ACSM3: variants seen among roughly 807,000 people sequenced by gnomAD.
ACSM3 encodes acyl-CoA synthetase medium chain family member 3, also known as acyl-coenzyme A synthetase ACSM3, mitochondrial.
A neutral mutation model predicts 74.1 loss-of-function variants in ACSM3; 61 were observed. The ratio of observed to expected loss-of-function variants is 0.82; its 90% CI spans 0.67 to 1.02. The LOEUF (loss-of-function observed/expected upper bound fraction) is 1.02. ACSM3 is among the 50% of genes least tolerant of loss of function. The pLI, the probability that ACSM3 is intolerant of heterozygous loss-of-function variation, is 0.00. For synonymous variants in ACSM3, 213 were observed against 241.5 expected (o/e 0.88, Z 1.09); for missense variants, 660 against 697.0 (o/e 0.95, Z 0.60).
intron 1 of ACSM3, chr16:20,741,804 C>T (rs1304314076): frequency 1.3e-6 from 2 of 1,543,854 alleles, no homozygotes; most frequent in South Asian, 1.2e-5. Context: ...TCGTCTATCG[C>T]CGGCGCGAAC....
At chr16:20,737,432 A>T in intron 1 of ACSM3, 1 of 890,374 alleles carries the variant, frequency 1.1e-6, no homozygotes, top group Admixed American at 3.4e-5. Context: ...CTGAACCCTT[A>T]CAATAAATAA....
intron 2 of ACSM3, among the ~76,000 whole-genome samples, chr16:20,751,735 G>A (rs138219067): frequency 2.4e-4 from 36 of 152,106 alleles, no homozygotes; most frequent in Non-Finnish European, 3.4e-4. Context: ...ATTACACATC[G>A]GTTATGTCAC....
At chr16:20,734,437 G>A (rs1448365384) in intron 1 of ACSM3, 2 of 152,528 alleles carry the variant, frequency 1.3e-5, no homozygotes, top group East Asian at 3.8e-4. Context: ...GGAAGGTCCT[G>A]CCTATTCTCT....
At chr16:20,691,056 C>T in intron 1 of ACSM3, 1 of 1,613,700 alleles carries the variant, frequency 6.2e-7, no homozygotes, top group Non-Finnish European at 8.5e-7. Flanking sequence ...TCCTCCGGTA[C>T]TTCATAGTCA....
chr16:20,711,193 C>T (rs2079742691), intron 1 of ACSM3, among the ~76,000 whole-genome samples: 1 of 152,118 alleles, frequency 6.6e-6, no homozygotes, highest in Admixed American at 6.6e-5. Context: ...TTGTTATTCC[C>T]ATTTTACAGA....
intron 1 of ACSM3, among the ~76,000 whole-genome samples, chr16:20,740,244 A>C (rs945073431): frequency 6.6e-6 from 1 of 152,134 alleles, no homozygotes; most frequent in African/African-American, 2.4e-5. Flanking sequence ...AAAATACAAA[A>C]AATTAGTCGG....
chr16:20,782,249 T>C (rs1411655931), intron 7 of ACSM3, among the ~76,000 whole-genome samples: 1 of 152,186 alleles, frequency 6.6e-6, no homozygotes, highest in East Asian at 1.9e-4. Flanking sequence ...TGTTTTGTTT[T>C]GTTTTGTTTC....
intron 1 of ACSM3, among the ~76,000 whole-genome samples, chr16:20,713,334 C>G (rs894503013): frequency 6.6e-6 from 1 of 152,008 alleles, no homozygotes; most frequent in Admixed American, 6.6e-5. Flanking sequence ...GTAGTGATTC[C>G]TAAGGTAGTG....
intron 1 of ACSM3, among the ~76,000 whole-genome samples, chr16:20,740,229 T>C (rs968651631): frequency 6.6e-6 from 1 of 152,072 alleles, no homozygotes; most frequent in African/African-American, 2.4e-5. Context: ...AACCCGTCTC[T>C]ACAAAAAATA....
At position 20,790,207 on chromosome 16, in the gene ACSM3, T is replaced by G. The variant is rs1752425315; in HGVS notation, c.1225-380T>G. 6.6e-6 allele frequency among the ~76,000 whole-genome samples: 1 copy of G among 152,106 alleles called. No individual in the cohort carries two copies. The highest frequency in any genetic ancestry group is 2.4e-5 in the African/African-American group (1 of 41,422). ...TGGCTCATGCCTATAATCCCAGCACTTTGGGAGGCCAAGGCTGGAATATCA... is the reference window on the plus strand; with the variant it reads ...TGGCTCATGCCTATAATCCCAGCACGTTGGGAGGCCAAGGCTGGAATATCA... On this transcript the variant is annotated intron_variant, in intron 9 of 13. Transcript: ENST00000289416. The surrounding 1 kb of genome is among the most constrained non-coding windows in gnomAD (Gnocchi z 4.0).
intron 8 of ACSM3, among the ~76,000 whole-genome samples, chr16:20,785,802 C>T (rs988656435): frequency 6.6e-6 from 1 of 151,970 alleles, no homozygotes. Flanking sequence ...AATTCATTAA[C>T]TAGAAATAGC....
chr16:20,760,305 C>A (rs532024189), upstream of ACSM3, among the ~76,000 whole-genome samples: 1 of 152,030 alleles, frequency 6.6e-6, no homozygotes, highest in East Asian at 1.9e-4. Context: ...TCCTTTGTTG[C>A]GGGACAATCA....
At chr16:20,691,776 T>C (rs1290551835) in intron 1 of ACSM3, among the ~76,000 whole-genome samples, 1 of 150,672 alleles carries the variant, frequency 6.6e-6, no homozygotes, top group Non-Finnish European at 1.5e-5. Context: ...TGTGTGTGTG[T>C]GTGTGTGTGT....
intron 1 of ACSM3, among the ~76,000 whole-genome samples, chr16:20,714,892 G>T (rs1290811093): frequency 2.0e-5 from 3 of 152,158 alleles, no homozygotes; most frequent in African/African-American, 7.2e-5. Context: ...CAGAACTCAG[G>T]TATTCAAGGA....
intron 1 of ACSM3, chr16:20,736,014 T>G (rs565651403): frequency 1.3e-5 from 2 of 152,312 alleles, no homozygotes; most frequent in East Asian, 3.9e-4. Flanking sequence ...AAAGCCTTAC[T>G]GTTTTTGATA....
chr16:20,735,486 C>A (rs965914344), intron 1 of ACSM3: 2 of 150,920 alleles, frequency 1.3e-5, no homozygotes, highest in African/African-American at 4.9e-5. Context: ...ATATCAGCAT[C>A]TCTGTGGAGA....
At chr16:20,763,631 G>C (rs535743276), upstream of ACSM3, 1 of 152,308 alleles carries the variant, frequency 6.6e-6, no homozygotes, top group East Asian at 1.9e-4. Flanking sequence ...GTTTAGTCCT[G>C]CCACTTCGAC....
intron 1 of ACSM3, chr16:20,736,778 A>G: frequency 8.5e-7 from 1 of 1,171,866 alleles, no homozygotes. Context: ...ATAATGCAGC[A>G]CACAAATAAA....
intron 1 of ACSM3, among the ~76,000 whole-genome samples, chr16:20,720,636 G>C (rs1213045696): frequency 6.8e-6 from 1 of 146,968 alleles, no homozygotes; most frequent in Non-Finnish European, 1.5e-5. Context: ...CATAAATGTA[G>C]GCTAACATAA....
Sources: allele counts gnomAD v4.1 joint callset (sites outside exome capture counted in the v4.1 genomes callset), GRCh38; gene constraint gnomAD v4.1.1; non-coding constraint Gnocchi (gnomAD v3.1); transcripts MANE v1.5; gene names NCBI Gene and HGNC (gene_info 2026-07-23, HGNC 2026-07-21).